Variants in GPR155 observed in about 807,000 individuals in gnomAD.
GPR155 encodes the protein G protein-coupled receptor 155.
In GPR155, 65 loss-of-function variants were observed where a neutral mutation model predicts 93.1. The observed-to-expected ratio is 0.70, with a 90% CI of 0.57 to 0.86. The LOEUF (loss-of-function observed/expected upper bound fraction) is 0.86. GPR155 is among the 40% of genes least tolerant of loss of function. The probability of loss-of-function intolerance (pLI) is 0.00; values close to 1 mark genes in which losing one functional copy is unlikely to be tolerated. For missense variants in GPR155, 838 were observed against 1,034.8 expected (o/e 0.81, Z 2.61); for synonymous variants, 319 against 360.1 (o/e 0.89, Z 1.29).
chr2:174,451,699 G>T (rs1687325686), intron 11 of GPR155, among the ~76,000 whole-genome samples: 1 of 152,130 alleles, frequency 6.6e-6, no homozygotes, highest in Non-Finnish European at 1.5e-5. Flanking sequence ...TTGCTCTGTT[G>T]CTCAGACATG....
intron 2 of GPR155, among the ~76,000 whole-genome samples, chr2:174,475,787 C>G (rs1688149559): frequency 6.6e-6 from 1 of 152,120 alleles, no homozygotes. Context: ...GATGTTCATA[C>G]CTGCCCACCA....
rs919738829 is a variant in GPR155, at chr2:174,473,152, T to C, written c.673A>G (p.Ile225Val). The C allele has an allele frequency of 6.2e-7, 1 of 1,612,536 alleles. No individual in the cohort carries two copies. The highest frequency in any genetic ancestry group is 1.3e-5 in the African/African-American group (1 of 74,874). Residue 225 changes from isoleucine to valine, a missense_variant, in exon 3 of 16, where the codon ATT (isoleucine) becomes GTT (valine). Physicochemically the swap from Ile to Val is conservative, Grantham distance 29. This residue lies in a region of GPR155 where 663 missense variants were observed against 790.1 expected (regional missense o/e 0.84). Coordinates refer to ENST00000392552, the MANE Select transcript of GPR155 (RefSeq NM_152529.7). ...AGAATAAAATTGAAGGCGATGCCAA[T>C]GAAGACCATAAATACTATTGGGTTC... The part of the protein sequence containing the change: ...LQNPIVFMVF[I>V]GIAFNFILDR...
chr2:174,485,665 T>C (rs1376654520), intron 1 of GPR155, among the ~76,000 whole-genome samples: 1 of 151,586 alleles, frequency 6.6e-6, no homozygotes, highest in African/African-American at 2.4e-5. Context: ...CTCAGTATTA[T>C]AAAAGAAATA....
At chr2:174,453,902 A>C in intron 10 of GPR155, 61 bp from the exon 11 acceptor site, 2 of 1,127,052 alleles carry the variant, frequency 1.8e-6, no homozygotes, top group Non-Finnish European at 2.7e-6. Flanking sequence ...GGACAATTTT[A>C]AGAAATGCCA....
rs749245856 is a variant in GPR155, at chr2:174,453,845, T to C, written c.1772-4A>G. ...CCCATGGAGCAGGAGCAGCAACCTA[T>C]ATCAATCAAATAGTATGTGAGAGTA... On this transcript the variant is annotated splice_polypyrimidine_tract_variant and splice_region_variant and intron_variant, in intron 10 of 15. Coordinates refer to ENST00000392552, the MANE Select transcript of GPR155 (RefSeq NM_152529.7). 6 of 1,596,732 alleles carry C rather than the reference T, an allele frequency of 3.8e-6. No homozygotes were observed. Among genetic ancestry groups the C allele is most frequent in the East Asian group, 4.5e-5 (2 of 44,758 alleles).
Position 174,434,103 on chromosome 2 carries a change from G to C in GPR155, c.*2013C>G, listed in dbSNP as rs1056816149. ...AGCCTCCTGGGTAGCTGGGATTACA[G>C]GTGCACACCACCACACCTGGCTAAT... is the stretch of plus-strand genomic sequence containing the variant. On this transcript the variant is annotated 3_prime_UTR_variant, in exon 16 of 16. Coordinates refer to ENST00000392552, the MANE Select transcript of GPR155 (RefSeq NM_152529.7). 1 of 150,158 alleles carries C rather than the reference G, an allele frequency of 6.7e-6. No individual in the cohort carries two copies. The highest frequency in any genetic ancestry group is 2.5e-5 in the African/African-American group (1 of 40,772). The allele number at this position is 150,158 out of a possible 1,614,324, so 9.3% of individuals were successfully genotyped here. A position where few individuals can be genotyped will look rare whatever the true frequency, so the allele number is the denominator to read the frequency against.
intron 9 of GPR155, among the ~76,000 whole-genome samples, chr2:174,460,867 A>G (rs1410599731): frequency 6.6e-6 from 1 of 152,210 alleles, no homozygotes; most frequent in African/African-American, 2.4e-5. Flanking sequence ...TTATTCTCAC[A>G]AAAACACAAT....
At chr2:174,467,321 G>A (rs1225855343) in intron 5 of GPR155, among the ~76,000 whole-genome samples, 4 of 152,214 alleles carry the variant, frequency 2.6e-5, no homozygotes, top group South Asian at 4.1e-4. Context: ...CCAACATGGC[G>A]AAACCCCACC....
chr2:174,437,459 T>G (rs1686819175), intron 15 of GPR155, among the ~76,000 whole-genome samples: 2 of 152,174 alleles, frequency 1.3e-5, no homozygotes, highest in Admixed American at 6.5e-5. Flanking sequence ...CATTTAGAGA[T>G]AAGTTATCTT....
At chr2:174,453,912 A>C in intron 10 of GPR155, 71 bp from the exon 11 acceptor site, 1 of 1,013,522 alleles carries the variant, frequency 9.9e-7, no homozygotes, top group Non-Finnish European at 1.6e-6. Flanking sequence ...AAGAAATGCC[A>C]AAGAAAACAA....
At chr2:174,442,865 C>T (rs1687007394) in intron 13 of GPR155, among the ~76,000 whole-genome samples, 1 of 152,154 alleles carries the variant, frequency 6.6e-6, no homozygotes, top group African/African-American at 2.4e-5. Flanking sequence ...AATGAGCTTA[C>T]CATACCACCT....
chr2:174,443,000 C>T (rs142613501), intron 13 of GPR155, among the ~76,000 whole-genome samples: 15 of 152,326 alleles, frequency 9.8e-5, no homozygotes, highest in African/African-American at 3.1e-4. Context: ...CTGTTGATGA[C>T]ACAGCCCTAT....
intron 10 of GPR155, among the ~76,000 whole-genome samples, chr2:174,456,570 T>C (rs954356203): frequency 6.6e-6 from 1 of 152,192 alleles, no homozygotes; most frequent in African/African-American, 2.4e-5. Context: ...CCCAAAGTGC[T>C]AGAATTACAG....
intron 10 of GPR155, among the ~76,000 whole-genome samples, chr2:174,458,642 A>G (rs2105703640): frequency 6.6e-6 from 1 of 152,276 alleles, no homozygotes; most frequent in South Asian, 2.1e-4. Flanking sequence ...CTGCCATTAT[A>G]GCATGAAGGT....
intron 3 of GPR155, 32 bp downstream of exon 3, chr2:174,472,933 T>C: frequency 6.4e-7 from 1 of 1,558,956 alleles, no homozygotes; most frequent in African/African-American, 1.4e-5. Context: ...TTTCAAAAAG[T>C]ACAATTCTCA....
chr2:174,458,020 A>G (rs1033082574), intron 10 of GPR155, among the ~76,000 whole-genome samples: 1 of 152,162 alleles, frequency 6.6e-6, no homozygotes, highest in African/African-American at 2.4e-5. Context: ...TACAGGTGTG[A>G]GCAACCATAC....
intron 10 of GPR155, among the ~76,000 whole-genome samples, chr2:174,455,672 C>T (rs1238336090): frequency 6.6e-6 from 1 of 152,022 alleles, no homozygotes; most frequent in Non-Finnish European, 1.5e-5. Flanking sequence ...AACTCCACGC[C>T]CTGAATGGCT....
At chr2:174,471,746 T>C (rs1043788758) in intron 3 of GPR155, among the ~76,000 whole-genome samples, 2 of 152,098 alleles carry the variant, frequency 1.3e-5, no homozygotes, top group Non-Finnish European at 2.9e-5. Flanking sequence ...AACTTAAATA[T>C]CTAATTAAGT....
intron 10 of GPR155, among the ~76,000 whole-genome samples, chr2:174,456,447 G>A (rs1687522708): frequency 6.6e-6 from 1 of 152,002 alleles, no homozygotes; most frequent in Non-Finnish European, 1.5e-5. Flanking sequence ...TCGGACTACA[G>A]GCACATGCTA....
Sources: gnomAD v4.1 joint callset for allele counts (sites outside exome capture counted in the v4.1 genomes callset) on GRCh38, gnomAD v4.1.1 for gene constraint, gnomAD v4.1.1 regional missense constraint, MANE v1.5 for transcripts, NCBI Gene and HGNC (gene_info 2026-07-23, HGNC 2026-07-21) for gene names.